Variants in CLIP1 observed in about 807,000 individuals in gnomAD.
CLIP1 encodes CAP-Gly domain-containing linker protein 1.
A neutral mutation model predicts 161.6 loss-of-function variants in CLIP1; 66 were observed. That is an observed-to-expected ratio of 0.41 (90% CI 0.33 to 0.50). The LOEUF (loss-of-function observed/expected upper bound fraction) is 0.50. Ranked by LOEUF, CLIP1 falls within the 20% of genes least tolerant of loss-of-function variation. The probability of loss-of-function intolerance (pLI) is 0.27; values close to 1 mark genes in which losing one functional copy is unlikely to be tolerated. For synonymous variants in CLIP1, 598 were observed against 626.2 expected (o/e 0.96, Z 0.67); for missense variants, 1,376 against 1,702.0 (o/e 0.81, Z 3.37).
intron 17 of CLIP1, among the ~76,000 whole-genome samples, chr12:122,319,733 T>A (rs969622569): frequency 1.3e-5 from 2 of 152,208 alleles, no homozygotes; most frequent in Non-Finnish European, 2.9e-5. Flanking sequence ...GGAATCATAT[T>A]TATTATTATA....
Position 122,317,663 on chromosome 12 carries a change from G to C in CLIP1, c.3367-808C>G, listed in dbSNP as rs373177010. Among the ~76,000 whole-genome samples the C allele has an allele frequency of 6.6e-5, 10 of 152,322 alleles. No individual in the cohort carries two copies. The South Asian group carries it at 1.7e-3, about 25-fold the overall frequency. ...GCCATGCTGGCTTTCTGGGCCTTGA[G>C]AAGTTGTCTCCTACAGCCAGAAAAG... is the stretch of plus-strand genomic sequence containing the variant. On this transcript the variant is annotated intron_variant, in intron 18 of 25. Coordinates refer to ENST00000620786, the MANE Select transcript of CLIP1 (RefSeq NM_001247997.2).
At chr12:122,387,180 C>T (rs974135977) in intron 1 of CLIP1, among the ~76,000 whole-genome samples, 1 of 152,150 alleles carries the variant, frequency 6.6e-6, no homozygotes, top group East Asian at 1.9e-4. Flanking sequence ...GCGTGCACCA[C>T]CGTGCCCAGC....
In CLIP1 at chr12:122,347,409, G is replaced by A. The variant is rs1952802022; in HGVS notation, c.1472C>T (p.Ala491Val). 6.2e-7 allele frequency: 1 copy of A among 1,613,710 alleles called. No homozygotes were observed. The highest frequency in any genetic ancestry group is 8.5e-7 in the Non-Finnish European group (1 of 1,179,600). The change falls in exon 10 of 26, where the codon GCT becomes GTT. Residue 491 changes from alanine to valine, a missense_variant. By Grantham distance (64) the Ala-to-Val change is moderately conservative. Transcript: ENST00000620786. ...TTCTAACTCCCTCTGGAGTTTGTCA[G>A]CTTTGGTCTTTTCAAAGAGCAGGCT... ...EQSLLFEKTK[A>V]DKLQRELEDT...
At chr12:122,367,031 G>A (rs565985249) in intron 3 of CLIP1, among the ~76,000 whole-genome samples, 2 of 152,250 alleles carry the variant, frequency 1.3e-5, no homozygotes, top group South Asian at 2.1e-4. Context: ...AGCATCATGT[G>A]AGCAGGACAC....
At chr12:122,390,670 A>G (rs1228250527) in intron 1 of CLIP1, among the ~76,000 whole-genome samples, 1 of 151,734 alleles carries the variant, frequency 6.6e-6, no homozygotes, top group East Asian at 1.9e-4. Context: ...GACAAAATAT[A>G]CCTACACATT....
At chr12:122,365,827 A>G (rs1237127649) in intron 3 of CLIP1, among the ~76,000 whole-genome samples, 1 of 151,764 alleles carries the variant, frequency 6.6e-6, no homozygotes, top group Non-Finnish European at 1.5e-5. Flanking sequence ...GGACAACATA[A>G]GGAAGACCCT....
chr12:122,411,897 G>A (rs1213145184), intron 1 of CLIP1, among the ~76,000 whole-genome samples: 3 of 151,994 alleles, frequency 2.0e-5, no homozygotes, highest in Non-Finnish European at 4.4e-5. Context: ...ACTGATAATG[G>A]TGATGGGTGC....
intron 24 of CLIP1, chr12:122,274,391 G>A: frequency 2.4e-6 from 1 of 423,724 alleles, no homozygotes; most frequent in Non-Finnish European, 4.3e-6. Flanking sequence ...GTAAGGCTAT[G>A]GCAGTTTCTT....
At chr12:122,346,083 G>A (rs1952733683) in intron 10 of CLIP1, among the ~76,000 whole-genome samples, 1 of 152,092 alleles carries the variant, frequency 6.6e-6, no homozygotes. Context: ...ACCGCGCCTG[G>A]CCATTTCTTA....
intron 3 of CLIP1, among the ~76,000 whole-genome samples, chr12:122,370,161 CA>C (rs528180348): frequency 0.25 from 27,564 of 109,726 alleles, 2,846 homozygotes; most frequent in Admixed American, 0.32. Flanking sequence ...AAACCTATCT[CA>C]AAAAAAAAAA....
chr12:122,330,922 A>G (rs913880278), intron 15 of CLIP1, among the ~76,000 whole-genome samples: 4 of 151,910 alleles, frequency 2.6e-5, no homozygotes, highest in African/African-American at 9.7e-5. Context: ...TATTAAGAGC[A>G]GGAGGGGCTC....
intron 5 of CLIP1, among the ~76,000 whole-genome samples, chr12:122,358,088 G>A (rs1278088693): frequency 6.6e-6 from 1 of 152,152 alleles, no homozygotes; most frequent in African/African-American, 2.4e-5. Flanking sequence ...ATTTTGCTCT[G>A]TACTAAGAAA....
chr12:122,349,775 C>T (rs1952931617), intron 9 of CLIP1, among the ~76,000 whole-genome samples: 2 of 152,186 alleles, frequency 1.3e-5, no homozygotes, highest in Non-Finnish European at 2.9e-5. Flanking sequence ...AGACTGACAC[C>T]GGGGGCAGCG....
chr12:122,374,097 G>A (rs141183025), intron 3 of CLIP1, among the ~76,000 whole-genome samples: 2,015 of 152,014 alleles, frequency 0.013, 44 homozygotes, highest in African/African-American at 0.041. Context: ...TAGCACTTTG[G>A]GAGGCCAAGG....
At chr12:122,329,978 G>A (rs1196303542) in intron 15 of CLIP1, among the ~76,000 whole-genome samples, 2 of 152,100 alleles carry the variant, frequency 1.3e-5, no homozygotes, top group East Asian at 1.9e-4. Context: ...TTAGCTGGGC[G>A]TGGTGGCGCA....
At chr12:122,371,553 T>A (rs1954452391) in intron 3 of CLIP1, among the ~76,000 whole-genome samples, 1 of 152,150 alleles carries the variant, frequency 6.6e-6, no homozygotes, top group Admixed American at 6.5e-5. Flanking sequence ...TTTTAATTGA[T>A]CTCTCTGTAA....
At chr12:122,373,167 G>A (rs1440221227) in intron 3 of CLIP1, among the ~76,000 whole-genome samples, 3 of 152,150 alleles carry the variant, frequency 2.0e-5, no homozygotes, top group Non-Finnish European at 2.9e-5. Flanking sequence ...GCTCACGCCT[G>A]TAATCGCAGC....
At chr12:122,309,633 G>A (rs566782800) in intron 20 of CLIP1, 129 bp downstream of exon 20, 4 of 1,085,674 alleles carry the variant, frequency 3.7e-6, no homozygotes, top group Admixed American at 2.3e-5. Flanking sequence ...CATAGCACAG[G>A]TAACTTGGAA....
chr12:122,351,071 T>C, intron 9 of CLIP1, 40 bp downstream of exon 9: 1 of 1,462,212 alleles, frequency 6.8e-7, no homozygotes, highest in Non-Finnish European at 9.3e-7. Flanking sequence ...TCAATCTTTG[T>C]TAACAAGGGA....
Sources: gnomAD v4.1 joint callset for allele counts (sites outside exome capture counted in the v4.1 genomes callset) on GRCh38, gnomAD v4.1.1 for gene constraint, MANE v1.5 for transcripts, NCBI Gene and HGNC (gene_info 2026-07-23, HGNC 2026-07-21) for gene names.